CCDC88C: variants seen among roughly 807,000 people sequenced by gnomAD.
The protein encoded by CCDC88C is coiled-coil and HOOK domain protein 88C.
Under a neutral mutation model 198.8 loss-of-function variants are expected in CCDC88C, and 131 were observed. That is an observed-to-expected ratio of 0.66 (90% CI 0.57 to 0.76). The LOEUF (loss-of-function observed/expected upper bound fraction) is 0.76. CCDC88C is among the 30% of genes least tolerant of loss of function. CCDC88C has a pLI of 0.00. For synonymous variants in CCDC88C, 1,166 were observed against 1,114.7 expected (o/e 1.05, Z -0.92); for missense variants, 2,553 against 2,631.6 (o/e 0.97, Z 0.65).
In CCDC88C at chr14:91,303,004, T is replaced by C. The variant is rs534251622; in HGVS notation, c.3635+697A>G. 7.5e-4 allele frequency among the ~76,000 whole-genome samples: 115 copies of C among 152,330 alleles called. No homozygotes were observed. The South Asian group carries it at 0.016, about 21-fold the overall frequency. On this transcript the variant is annotated intron_variant, in intron 20 of 29. Transcript: ENST00000389857. ...GAGCCCCTCTTACTACTGTCTTCAGTTGCACAAATTCCAAATTGCTAAAGG... is the reference window on the plus strand; with the variant it reads ...GAGCCCCTCTTACTACTGTCTTCAGCTGCACAAATTCCAAATTGCTAAAGG...
intron 2 of CCDC88C, among the ~76,000 whole-genome samples, chr14:91,412,929 C>G (rs1886863653): frequency 6.6e-6 from 1 of 152,182 alleles, no homozygotes; most frequent in African/African-American, 2.4e-5. Flanking sequence ...AACATAAACT[C>G]TCCTTCAAGT....
intron 3 of CCDC88C, among the ~76,000 whole-genome samples, chr14:91,396,345 CTT>C (rs1804925370): frequency 6.6e-6 from 1 of 152,202 alleles, no homozygotes; most frequent in Non-Finnish European, 1.5e-5. Flanking sequence ...TTTTTAACGA[CTT>C]GAGAAATCCA....
rs1890529013 is a variant in CCDC88C, at chr14:91,288,769, TG to T, written c.4441+335del. The T allele has an allele frequency of 5.1e-6, 1 of 196,266 alleles. No homozygotes were observed. Among genetic ancestry groups the T allele is most frequent in the Non-Finnish European group, 1.0e-5 (1 of 95,938 alleles). The allele number at this position is 196,266 out of a possible 1,614,324, so 12.2% of individuals were successfully genotyped here. On this transcript the variant is annotated intron_variant, in intron 25 of 29. Coordinates refer to ENST00000389857, the MANE Select transcript of CCDC88C (RefSeq NM_001080414.4). The surrounding 1 kb of genome is among the most constrained non-coding windows in gnomAD (Gnocchi z 4.2). ...AATACAAAAAATTAGCCAGGCGTGG[TG>T]GTGGGCGCCTATAATCCCAGCTACG...
chr14:91,279,029 G>A (rs1177063500), intron 28 of CCDC88C, among the ~76,000 whole-genome samples: 1 of 150,318 alleles, frequency 6.7e-6, no homozygotes, highest in Non-Finnish European at 1.5e-5. Flanking sequence ...AGCCTCCTGA[G>A]TAGCTGGGAC....
chr14:91,379,483 G>A (rs751257340), intron 3 of CCDC88C: 7 of 314,884 alleles, frequency 2.2e-5, no homozygotes, highest in African/African-American at 8.7e-5. Flanking sequence ...TTGGCCACCC[G>A]GGGCAGCTAG....
At chr14:91,304,631 A>C (rs1891481886) in intron 19 of CCDC88C, among the ~76,000 whole-genome samples, 1 of 152,170 alleles carries the variant, frequency 6.6e-6, no homozygotes, top group Non-Finnish European at 1.5e-5. Context: ...AAGTATACAG[A>C]ATATCTGTAA....
chr14:91,343,941 C>T (rs1434790957), intron 4 of CCDC88C, among the ~76,000 whole-genome samples: 2 of 152,184 alleles, frequency 1.3e-5, no homozygotes, highest in African/African-American at 4.8e-5. Flanking sequence ...TCACCTCAGC[C>T]TCCCTAGTAG....
At chr14:91,364,798 G>A (rs1018392196) in intron 3 of CCDC88C, among the ~76,000 whole-genome samples, 4 of 152,186 alleles carry the variant, frequency 2.6e-5, no homozygotes, top group East Asian at 1.9e-4. Context: ...GGCCTGTAGC[G>A]GTGGCTTTCC....
chr14:91,300,890 G>A (rs74084727), intron 20 of CCDC88C, among the ~76,000 whole-genome samples: 1 of 152,136 alleles, frequency 6.6e-6, no homozygotes, highest in Admixed American at 6.5e-5. Flanking sequence ...AGAAGTCTGA[G>A]GCACAGTCTC....
chr14:91,274,441 C>T (rs1034641695), intron 29 of CCDC88C, among the ~76,000 whole-genome samples: 1 of 152,216 alleles, frequency 6.6e-6, no homozygotes, highest in Non-Finnish European at 1.5e-5. Context: ...TCAGGAACTG[C>T]AGCCTTCTGC....
chr14:91,340,111 C>A, intron 6 of CCDC88C, 87 bp from the exon 7 acceptor site: 3 of 1,525,698 alleles, frequency 2.0e-6, no homozygotes, highest in Non-Finnish European at 2.7e-6. Flanking sequence ...CCCTTCCAAT[C>A]AACCTTACTA....
Position 91,284,950 on chromosome 14 carries a change from C to T in CCDC88C, c.4442-1433G>A, listed in dbSNP as rs1000306661. Among the ~76,000 whole-genome samples, 3 of 152,124 alleles carry T rather than the reference C, an allele frequency of 2.0e-5. No homozygotes were observed. Among genetic ancestry groups the T allele is most frequent in the Non-Finnish European group, 2.9e-5 (2 of 68,030 alleles). ...CTCCATAGGTAATGGCCTAGCTGGC[C>T]GGCTGGCATTTTCCCTTGCTCGAGG... On this transcript the variant is annotated intron_variant, in intron 25 of 29. Coordinates refer to ENST00000389857, the MANE Select transcript of CCDC88C (RefSeq NM_001080414.4). This position sits in a 1 kb window ranked among gnomAD's most constrained non-coding sequence, Gnocchi z 4.1.
intron 3 of CCDC88C, among the ~76,000 whole-genome samples, chr14:91,403,389 C>T (rs1480749550): frequency 6.6e-6 from 1 of 152,196 alleles, no homozygotes; most frequent in Non-Finnish European, 1.5e-5. Context: ...AGAAACTTCA[C>T]ATGACAATGA....
At chr14:91,366,153 TACACACACACACACACACACACAC>T (rs57281083) in intron 3 of CCDC88C, among the ~76,000 whole-genome samples, 3 of 136,372 alleles carry the variant, frequency 2.2e-5, no homozygotes, top group African/African-American at 5.4e-5. Context: ...ACTTAAAAAA[TACACACACACACACACACACACAC>T]ACACACACAC....
At chr14:91,414,219 T>C (rs949423366) in intron 2 of CCDC88C, among the ~76,000 whole-genome samples, 2 of 152,230 alleles carry the variant, frequency 1.3e-5, no homozygotes, top group African/African-American at 4.8e-5. Flanking sequence ...GGCACCTACA[T>C]AGGCAAATAG....
intron 19 of CCDC88C, 95 bp downstream of exon 19, chr14:91,305,670 T>C (rs1245099114): frequency 3.2e-6 from 4 of 1,234,792 alleles, no homozygotes; most frequent in South Asian, 3.2e-5. Context: ...GATCTGCTGC[T>C]TTTGAGGAGT....
intron 17 of CCDC88C, 29 bp downstream of exon 17, chr14:91,308,321 TG>T: frequency 6.2e-7 from 1 of 1,611,540 alleles, no homozygotes; most frequent in South Asian, 1.1e-5. Context: ...AATGGGCAGC[TG>T]GGCCCCACAG....
intron 4 of CCDC88C, among the ~76,000 whole-genome samples, chr14:91,350,012 T>G (rs1172322805): frequency 6.6e-6 from 1 of 152,146 alleles, no homozygotes. Flanking sequence ...AGAATCCTTC[T>G]GAACACAGCC....
Position 91,273,503 on chromosome 14 carries a change from C to A in CCDC88C, c.5209G>T (p.Ala1737Ser). 6.5e-7 allele frequency: 1 copy of A among 1,544,292 alleles called. No individual in the cohort carries two copies. The highest frequency in any genetic ancestry group is 8.7e-7 in the Non-Finnish European group (1 of 1,144,482). The change falls in exon 30 of 30, where the codon GCC becomes TCC. Residue 1737 changes from alanine to serine, a missense_variant. Physicochemically the swap from Ala to Ser is moderately conservative, Grantham distance 99. This residue lies in a region of CCDC88C where 1,293 missense variants were observed against 1,219.6 expected (regional missense o/e 1.06). Coordinates refer to ENST00000389857, the MANE Select transcript of CCDC88C (RefSeq NM_001080414.4). This position sits in a 1 kb window ranked among gnomAD's most constrained non-coding sequence, Gnocchi z 5.6. ...NFVAPTVKMA[A>S]PTSEGRPLKP... ...AGCGGCCTCCCCTCCGAGGTGGGGG[C>A]GGCCATTTTGACGGTGGGGGCCACA...
Sources: allele counts gnomAD v4.1 joint callset (sites outside exome capture counted in the v4.1 genomes callset), GRCh38; gene constraint gnomAD v4.1.1; regional missense constraint gnomAD v4.1.1; non-coding constraint Gnocchi (gnomAD v3.1); transcripts MANE v1.5; gene names NCBI Gene and HGNC (gene_info 2026-07-23, HGNC 2026-07-21).